AFM: variants seen among roughly 807,000 people sequenced by gnomAD.
AFM encodes afamin.
In AFM, 82 loss-of-function variants were observed where a neutral mutation model predicts 68.7. That is an observed-to-expected ratio of 1.19 (90% CI 1.00 to 1.43). The LOEUF is 1.43. AFM is among the 40% of genes most tolerant of loss of function. AFM has a pLI of 0.00. For missense variants in AFM, 772 were observed against 701.8 expected (o/e 1.10, Z -1.13); for synonymous variants, 250 against 234.2 (o/e 1.07, Z -0.61).
chr4:73,502,547 A>G (rs367668969), intron 13 of AFM, among the ~76,000 whole-genome samples: 23 of 152,268 alleles, frequency 1.5e-4, no homozygotes, highest in Non-Finnish European at 2.8e-4. Flanking sequence ...GTTAGCCCCA[A>G]TGGATGGCTC....
At chr4:73,496,666 ATTTG>A (rs1202328330) in intron 9 of AFM, among the ~76,000 whole-genome samples, 2 of 151,946 alleles carry the variant, frequency 1.3e-5, no homozygotes, top group Non-Finnish European at 2.9e-5. Context: ...AAACACCTTT[ATTTG>A]ATTTTTAAAT....
At chr4:73,487,846 T>C (rs906169642) in intron 6 of AFM, 25 bp downstream of exon 6, 2 of 1,448,164 alleles carry the variant, frequency 1.4e-6, no homozygotes, top group African/African-American at 1.4e-5. Flanking sequence ...ATATGTCTTG[T>C]CTCTGCTTGC....
Position 73,488,699 on chromosome 4 carries a change from T to C in AFM, c.783T>C (p.Asp261=). The C allele has an allele frequency of 1.2e-6, 2 of 1,613,200 alleles. No individual in the cohort carries two copies. Among genetic ancestry groups the C allele is most frequent in the Non-Finnish European group, 1.7e-6 (2 of 1,179,328 alleles). ...AGGAGCTTATTTCTCTTGTAGAAGA[T>C]GTTTCTTCCAACTATGATGGATGCT... ...EFKELISLVE[D]VSSNYDGCCE... is the part of the protein sequence containing the mutation. Residue 261 remains aspartate (D), a synonymous_variant, in exon 7 of 15, where the codon GAT becomes GAC. Transcript: ENST00000226355.
At position 73,491,936 on chromosome 4, in the gene AFM, G is replaced by A. The variant is rs903935033; in HGVS notation, c.908G>A (p.Cys303Tyr). Residue 303 changes from cysteine to tyrosine, a missense_variant, in exon 8 of 15, where the codon TGT (cysteine) becomes TAT (tyrosine). By Grantham distance (194) the Cys-to-Tyr change is radical. Transcript: ENST00000226355. ...DSISSKIKEC[C>Y]EKKIPERGQC... ...ATCTCCAGCAAAATCAAAGAGTGCTGTGAAAAGAAAATACCAGAGCGCGGC... is the reference window on the plus strand; with the variant it reads ...ATCTCCAGCAAAATCAAAGAGTGCTATGAAAAGAAAATACCAGAGCGCGGC... 1.9e-6 allele frequency: 3 copies of A among 1,614,022 alleles called. No individual in the cohort carries two copies. The highest frequency in any genetic ancestry group is 1.7e-6 in the Non-Finnish European group (2 of 1,179,940).
intron 8 of AFM, among the ~76,000 whole-genome samples, chr4:73,493,578 C>G (rs968026793): frequency 6.6e-6 from 1 of 152,120 alleles, no homozygotes; most frequent in Non-Finnish European, 1.5e-5. Flanking sequence ...ATCTACTAAC[C>G]AACCAAATTT....
At chr4:73,487,490 C>A (rs550217725) in intron 5 of AFM, among the ~76,000 whole-genome samples, 1 of 152,176 alleles carries the variant, frequency 6.6e-6, no homozygotes, top group African/African-American at 2.4e-5. Flanking sequence ...ACCAAGGGAG[C>A]ACTTATGCAC....
intron 7 of AFM, among the ~76,000 whole-genome samples, chr4:73,491,557 C>A (rs907778421): frequency 2.0e-5 from 3 of 152,076 alleles, no homozygotes; most frequent in African/African-American, 7.2e-5. Flanking sequence ...AAAGAAACAA[C>A]ATTTAGAATA....
At chr4:73,488,506 A>G in intron 6 of AFM, 124 bp from the exon 7 acceptor site, 1 of 807,274 alleles carries the variant, frequency 1.2e-6, no homozygotes, top group Middle Eastern at 3.8e-4. Flanking sequence ...ACTTCTATAA[A>G]AACAACAACA....
Position 73,497,706 on chromosome 4 carries a change from T to A in AFM, c.1246T>A (p.Cys416Ser). 1.2e-6 allele frequency: 2 copies of A among 1,611,026 alleles called. No homozygotes were observed. Among genetic ancestry groups the A allele is most frequent in the African/African-American group, 1.3e-5 (1 of 74,898 alleles). Residue 416 changes from cysteine to serine, a missense_variant, in exon 10 of 15, where the codon TGT (cysteine) becomes AGT (serine). Physicochemically the swap from Cys to Ser is moderately radical, Grantham distance 112. Transcript: ENST00000226355. ...EKSLKMVQQE[C>S]KHFQNLGKDG... is the part of the protein sequence containing the mutation. ...AAGCCTCAAGATGGTACAACAAGAA[T>A]GTAAACATTTCCAGAATTTGGGGAA...
chr4:73,501,978 ACAGAACCCTGCAGGACACTG>A, intron 13 of AFM, 59 bp downstream of exon 13: 1 of 1,583,692 alleles, frequency 6.3e-7, no homozygotes, highest in Non-Finnish European at 8.6e-7. Context: ...ATAAAATAAA[ACAGAACCCTGCAGGACACTG>A]CTTCCTCTCT....
intron 8 of AFM, among the ~76,000 whole-genome samples, chr4:73,493,876 A>T (rs1721171673): frequency 6.6e-6 from 1 of 152,234 alleles, no homozygotes. Flanking sequence ...ATTACAACAT[A>T]AAAAGTGTTT....
At chr4:73,503,216 T>A (rs1721466924) in intron 14 of AFM, 106 bp downstream of exon 14, 2 of 881,096 alleles carry the variant, frequency 2.3e-6, no homozygotes, top group Non-Finnish European at 3.6e-6. Context: ...TCATCCTACA[T>A]GAACAAGAAA....
intron 4 of AFM, 29 bp downstream of exon 4, chr4:73,486,102 C>A: frequency 6.4e-7 from 1 of 1,570,272 alleles, no homozygotes; most frequent in Non-Finnish European, 8.8e-7. Flanking sequence ...AAAAATGATC[C>A]AGTTGAAGAA....
At chr4:73,486,094 A>T in intron 4 of AFM, 21 bp downstream of exon 4, 1 of 1,588,916 alleles carries the variant, frequency 6.3e-7, no homozygotes, top group Non-Finnish European at 8.6e-7. Flanking sequence ...TCTTAGTAAA[A>T]AATGATCCAG....
At chr4:73,501,979 C>T in intron 13 of AFM, 60 bp downstream of exon 13, 1 of 1,572,486 alleles carries the variant, frequency 6.4e-7, no homozygotes, top group South Asian at 1.2e-5. Context: ...TAAAATAAAA[C>T]AGAACCCTGC....
chr4:73,486,912 T>G (rs1720915526), intron 4 of AFM, 55 bp from the exon 5 acceptor site: 5 of 1,556,128 alleles, frequency 3.2e-6, no homozygotes, highest in Middle Eastern at 1.8e-4. Flanking sequence ...CTACATTCAT[T>G]GCTTCCTGTT....
intron 7 of AFM, among the ~76,000 whole-genome samples, chr4:73,490,187 C>CAAAAAA (rs374246384): frequency 1.1e-5 from 1 of 92,826 alleles, no homozygotes. Flanking sequence ...AACCTTATTT[C>CAAAAAA]AAAAAAAAAA....
Position 73,485,883 on chromosome 4 carries a change from AT to A in AFM, c.293del (p.Ile98AsnfsTer62). On this transcript the variant is annotated frameshift_variant, in exon 4 of 15. Transcript: ENST00000226355. LOFTEE classifies it high-confidence loss of function. ...KLPNNVLQEK[I>X]CAMEGLPQKH... ...ATAGAATAATGTTTTACAGGAAAAAATATGTGCTATGGAGGGGCTGCCACAA... is the reference window on the plus strand; with the variant it reads ...ATAGAATAATGTTTTACAGGAAAAAAATGTGCTATGGAGGGGCTGCCACAA... 1 of 1,614,014 alleles carries A rather than the reference AT, an allele frequency of 6.2e-7. No homozygotes were observed.
chr4:73,497,249 C>A (rs1369201555), intron 9 of AFM, among the ~76,000 whole-genome samples: 3 of 152,168 alleles, frequency 2.0e-5, no homozygotes, highest in Non-Finnish European at 4.4e-5. Flanking sequence ...ACAACACTTA[C>A]TAGCTGGGGT....
Sources: allele counts gnomAD v4.1 joint callset (sites outside exome capture counted in the v4.1 genomes callset), GRCh38; gene constraint gnomAD v4.1.1; transcripts MANE v1.5; gene names NCBI Gene and HGNC (gene_info 2026-07-23, HGNC 2026-07-21).